Variants in DCC observed in about 807,000 individuals in gnomAD.
The protein encoded by DCC is DCC netrin 1 receptor.
In DCC, 58 loss-of-function variants were observed where a neutral mutation model predicts 172.5. The ratio of observed to expected loss-of-function variants is 0.34; its 90% CI spans 0.27 to 0.42. The LOEUF is 0.42. DCC is among the 10% of genes least tolerant of loss of function. The pLI is 1.00. For synonymous variants in DCC, 709 were observed against 644.5 expected (o/e 1.10, Z -1.52); for missense variants, 1,740 against 1,791.0 (o/e 0.97, Z 0.51).
intron 26 of DCC, among the ~76,000 whole-genome samples, chr18:53,494,819 T>C (rs2046000500): frequency 1.6e-4 from 25 of 152,212 alleles, no homozygotes; most frequent in Admixed American, 1.6e-3. Context: ...TTAATATTGT[T>C]ATGTGTGTAT....
intron 1 of DCC, among the ~76,000 whole-genome samples, chr18:52,394,514 T>C (rs1288100316): frequency 4.0e-5 from 6 of 151,694 alleles, no homozygotes; most frequent in Non-Finnish European, 5.9e-5. Context: ...TGGTCTCAGG[T>C]GATCCTCCTG....
chr18:52,534,982 T>G (rs1036645477), intron 1 of DCC, among the ~76,000 whole-genome samples: 1 of 152,136 alleles, frequency 6.6e-6, no homozygotes, highest in African/African-American at 2.4e-5. Context: ...CTAATAAACT[T>G]CAGTTGCCCC....
At position 52,768,086 on chromosome 18, in the gene DCC, A is replaced by G. The variant is rs141257329; in HGVS notation, c.412+15712A>G. Among the ~76,000 whole-genome samples the G allele has an allele frequency of 1.5e-3, 234 of 152,324 alleles. No individual in the cohort carries two copies. In the East Asian group the frequency reaches 0.021, roughly 14 times the overall value. ...GTTTTAATTTTCTTCTATGCCAGTA[A>G]AATCTTGTAAAACAAGGTGACATAT... On this transcript the variant is annotated intron_variant, in intron 2 of 28. Coordinates refer to ENST00000442544, the MANE Select transcript of DCC (RefSeq NM_005215.4).
At chr18:52,725,361 A>G (rs2036535843) in intron 1 of DCC, among the ~76,000 whole-genome samples, 1 of 152,194 alleles carries the variant, frequency 6.6e-6, no homozygotes, top group African/African-American at 2.4e-5. Flanking sequence ...ATTAGAGAAT[A>G]ACAAGTTGCT....
chr18:53,165,343 T>A (rs1347346761), intron 8 of DCC, among the ~76,000 whole-genome samples: 1 of 152,218 alleles, frequency 6.6e-6, no homozygotes, highest in Non-Finnish European at 1.5e-5. Flanking sequence ...TTTTTCTGAC[T>A]GACATGGAGG....
At chr18:53,270,214 A>G (rs771830350) in intron 12 of DCC, among the ~76,000 whole-genome samples, 4 of 152,150 alleles carry the variant, frequency 2.6e-5, no homozygotes, top group Non-Finnish European at 4.4e-5. Flanking sequence ...CAGTTTGACC[A>G]CTTACCTCAA....
In DCC at chr18:52,941,486, T is replaced by TTGTGTGTG. The variant is rs74178695; in HGVS notation, c.985+16126_985+16133dup. Among the ~76,000 whole-genome samples the TTGTGTGTG allele has an allele frequency of 3.4e-3, 508 of 149,632 alleles. 6 individuals carry two copies. Among genetic ancestry groups the TTGTGTGTG allele is most frequent in the African/African-American group, 0.011 (468 of 40,812 alleles). ...TTCTTTAACATACATATATACATGT[T>TTGTGTGTG]TGTGTGTGTGTGTGTGTATATATAT... On this transcript the variant is annotated intron_variant, in intron 5 of 28. Coordinates refer to ENST00000442544, the MANE Select transcript of DCC (RefSeq NM_005215.4).
At chr18:52,811,445 A>T (rs2038197063) in intron 2 of DCC, among the ~76,000 whole-genome samples, 1 of 152,212 alleles carries the variant, frequency 6.6e-6, no homozygotes, top group African/African-American at 2.4e-5. Flanking sequence ...TCGCTTGGTT[A>T]AGAAATGAAA....
At chr18:52,972,447 T>G (rs1464132522) in intron 5 of DCC, among the ~76,000 whole-genome samples, 1 of 152,058 alleles carries the variant, frequency 6.6e-6, no homozygotes, top group Non-Finnish European at 1.5e-5. Flanking sequence ...GAATTAGATG[T>G]GTTAACAGCT....
chr18:52,573,974 C>T (rs1300303834), intron 1 of DCC, among the ~76,000 whole-genome samples: 1 of 152,132 alleles, frequency 6.6e-6, no homozygotes, highest in East Asian at 1.9e-4. Flanking sequence ...TCTAAGTAGC[C>T]TATCCAAGTA....
At chr18:52,350,804 A>T (rs9954350) in intron 1 of DCC, among the ~76,000 whole-genome samples, 1 of 151,916 alleles carries the variant, frequency 6.6e-6, no homozygotes, top group Admixed American at 6.6e-5. Flanking sequence ...AAACCAAAGT[A>T]TTGGTGTGGT....
At chr18:52,720,318 C>T (rs1199004964) in intron 1 of DCC, among the ~76,000 whole-genome samples, 1 of 152,170 alleles carries the variant, frequency 6.6e-6, no homozygotes, top group Non-Finnish European at 1.5e-5. Context: ...TACTTGAGTT[C>T]TATGAGCGCT....
intron 1 of DCC, among the ~76,000 whole-genome samples, chr18:52,683,435 C>A (rs150687703): frequency 6.6e-6 from 1 of 151,978 alleles, no homozygotes. Context: ...AGGGACAATA[C>A]GAAGGAACCC....
intron 5 of DCC, among the ~76,000 whole-genome samples, chr18:53,052,797 C>T (rs147147089): frequency 6.6e-6 from 1 of 152,182 alleles, no homozygotes; most frequent in East Asian, 1.9e-4. Context: ...CTTACTCAAA[C>T]CAACCTCCAT....
At chr18:52,469,441 A>T (rs950473962) in intron 1 of DCC, among the ~76,000 whole-genome samples, 26 of 152,132 alleles carry the variant, frequency 1.7e-4, no homozygotes, top group African/African-American at 5.3e-4. Context: ...AGACAATATA[A>T]CCATCTTAGC....
intron 7 of DCC, among the ~76,000 whole-genome samples, chr18:53,078,484 G>A (rs2042752326): frequency 6.6e-6 from 1 of 151,994 alleles, no homozygotes; most frequent in African/African-American, 2.4e-5. Context: ...TTACGAGGAT[G>A]GTAGTGTCAT....
intron 26 of DCC, among the ~76,000 whole-genome samples, chr18:53,492,954 C>A (rs1359820696): frequency 6.6e-6 from 1 of 152,138 alleles, no homozygotes; most frequent in African/African-American, 2.4e-5. Flanking sequence ...TATCTATGAG[C>A]ATGGAATATT....
chr18:52,773,097 A>G (rs1015514941), intron 2 of DCC, among the ~76,000 whole-genome samples: 7 of 152,230 alleles, frequency 4.6e-5, no homozygotes, highest in African/African-American at 1.7e-4. Context: ...AGGCTGCTGT[A>G]ACGATTAACA....
rs575180687 is a variant in DCC, at chr18:53,065,986, T to A, written c.1141-60T>A. Reference sequence around the variant, plus strand: ...CAAACTTTGGTCTCATCTAAGTTCATTTTGTCACCTTGCATTTTTTGCTTT... The same window carrying A: ...CAAACTTTGGTCTCATCTAAGTTCAATTTGTCACCTTGCATTTTTTGCTTT... On this transcript the variant is annotated intron_variant, in intron 6 of 28. Coordinates refer to ENST00000442544, the MANE Select transcript of DCC (RefSeq NM_005215.4). The A allele has an allele frequency of 5.6e-5, 90 of 1,605,278 alleles. No homozygotes were observed. In the East Asian group the frequency reaches 1.9e-3, roughly 34 times the overall value.
Sources: allele counts gnomAD v4.1 joint callset (sites outside exome capture counted in the v4.1 genomes callset), GRCh38; gene constraint gnomAD v4.1.1; transcripts MANE v1.5; gene names NCBI Gene and HGNC (gene_info 2026-07-23, HGNC 2026-07-21).